DLC1: variants seen among roughly 807,000 people sequenced by gnomAD.
DLC1 encodes the protein DLC1 Rho GTPase activating protein, also known as rho GTPase-activating protein 7.
A neutral mutation model predicts 140.3 loss-of-function variants in DLC1; 54 were observed. The ratio of observed to expected loss-of-function variants is 0.38; its 90% confidence interval spans 0.31 to 0.48. The LOEUF (loss-of-function observed/expected upper bound fraction) is 0.48. Among genes scored for constraint, DLC1 ranks in the 20% least tolerant of loss-of-function variants. The pLI is 0.96. For synonymous variants in DLC1, 986 were observed against 728.1 expected, an observed-to-expected ratio of 1.35 and a Z score of -5.70; for missense variants, 2,536 against 1,907.0, an observed-to-expected ratio of 1.33 and a Z score of -6.14.
At chr8:13,469,230 T>G (rs1015974557) in intron 2 of DLC1, among the ~76,000 whole-genome samples, 1 of 152,246 alleles carries the variant, frequency 6.6e-6, no homozygotes, top group African/African-American at 2.4e-5. Context: ...ATTTTTCTTA[T>G]TATAAAGCTC....
At chr8:13,104,620 C>T (rs980521084) in intron 7 of DLC1, among the ~76,000 whole-genome samples, 1 of 152,162 alleles carries the variant, frequency 6.6e-6, no homozygotes, top group African/African-American at 2.4e-5. Flanking sequence ...ATTTAATTCA[C>T]ACAAATTCCT....
chr8:13,431,869 C>G (rs1381685284), intron 2 of DLC1, among the ~76,000 whole-genome samples: 1 of 151,980 alleles, frequency 6.6e-6, no homozygotes, highest in Admixed American at 6.6e-5. Flanking sequence ...TAAAAAGATT[C>G]AGGACAGATA....
intron 2 of DLC1, among the ~76,000 whole-genome samples, chr8:13,482,820 A>G (rs142724405): frequency 6.6e-6 from 1 of 152,222 alleles, no homozygotes. Flanking sequence ...TAATAAATGC[A>G]TGCTGTACAC....
intron 1 of DLC1, among the ~76,000 whole-genome samples, chr8:13,603,557 C>T (rs1194954297): frequency 6.6e-6 from 1 of 151,890 alleles, no homozygotes; most frequent in Non-Finnish European, 1.5e-5. Flanking sequence ...AAAAAAGGTG[C>T]ATGTTAAATT....
At chr8:13,264,052 T>TTTTATTTA (rs3065458) in intron 5 of DLC1, among the ~76,000 whole-genome samples, 4,658 of 143,044 alleles carry the variant, frequency 0.033, 125 homozygotes, top group East Asian at 0.076. Context: ...ATAAGAAGCT[T>TTTTATTTA]TTTATTTATT....
chr8:13,377,318 A>G (rs912252704), intron 4 of DLC1, among the ~76,000 whole-genome samples: 1 of 152,262 alleles, frequency 6.6e-6, no homozygotes, highest in African/African-American at 2.4e-5. Context: ...TATAAAAACT[A>G]GCCCTTTAAA....
chr8:13,543,361 G>C (rs746861787), intron 1 of DLC1, among the ~76,000 whole-genome samples: 20 of 152,082 alleles, frequency 1.3e-4, no homozygotes, highest in Non-Finnish European at 2.8e-4. Context: ...AGACCTAATA[G>C]CTAGTGCAGT....
chr8:13,360,879 AT>A (rs71207147), intron 4 of DLC1, among the ~76,000 whole-genome samples: 19,574 of 104,032 alleles, frequency 0.19, 1,363 homozygotes, highest in South Asian at 0.27. Context: ...TATACACATT[AT>A]TTTTTTTTTT....
intron 3 of DLC1, among the ~76,000 whole-genome samples, chr8:13,397,002 C>T (rs1321257049): frequency 6.6e-6 from 1 of 151,930 alleles, no homozygotes; most frequent in African/African-American, 2.4e-5. Flanking sequence ...TGCAAGACTC[C>T]ATCTATCAGT....
At chr8:13,560,057 A>G (rs1471496617) in intron 1 of DLC1, among the ~76,000 whole-genome samples, 1 of 152,234 alleles carries the variant, frequency 6.6e-6, no homozygotes, top group East Asian at 1.9e-4. Context: ...ACAAAGTAGC[A>G]AAAGAGATGG....
intron 5 of DLC1, among the ~76,000 whole-genome samples, chr8:13,173,368 CTTTTTTT>C (rs35778236): frequency 2.9e-5 from 3 of 103,510 alleles, no homozygotes; most frequent in African/African-American, 3.8e-5. Context: ...GTTCTGCCCT[CTTTTTTT>C]TTTTTTTTTT....
At chr8:13,456,912 T>C (rs774638080) in intron 2 of DLC1, among the ~76,000 whole-genome samples, 1 of 152,196 alleles carries the variant, frequency 6.6e-6, no homozygotes, top group Non-Finnish European at 1.5e-5. Flanking sequence ...AGAAAATCAA[T>C]TAAATCGGCA....
intron 5 of DLC1, among the ~76,000 whole-genome samples, chr8:13,270,655 C>G (rs1428974998): frequency 6.6e-6 from 1 of 152,190 alleles, no homozygotes; most frequent in Non-Finnish European, 1.5e-5. Flanking sequence ...GCACAAAAGT[C>G]ACCTCCAGTA....
At chr8:13,591,985 G>T (rs181030607) in intron 1 of DLC1, among the ~76,000 whole-genome samples, 1 of 152,020 alleles carries the variant, frequency 6.6e-6, no homozygotes, top group Non-Finnish European at 1.5e-5. Context: ...CAAGTATCTG[G>T]AGTTTGGAGG....
chr8:13,179,402 C>T (rs1349241133), intron 5 of DLC1, among the ~76,000 whole-genome samples: 1 of 152,092 alleles, frequency 6.6e-6, no homozygotes, highest in Admixed American at 6.6e-5. Context: ...TACACTTACA[C>T]ATGCACTGTA....
intron 5 of DLC1, among the ~76,000 whole-genome samples, chr8:13,229,293 G>C (rs1258452903): frequency 6.6e-6 from 1 of 152,122 alleles, no homozygotes; most frequent in Non-Finnish European, 1.5e-5. Context: ...ACAACATTAC[G>C]AACCTTGTAA....
intron 2 of DLC1, among the ~76,000 whole-genome samples, chr8:13,468,017 CT>C (rs1364877523): frequency 6.6e-6 from 1 of 151,992 alleles, no homozygotes; most frequent in Non-Finnish European, 1.5e-5. Flanking sequence ...TCGTTCTTTT[CT>C]TTCTCTAGAA....
chr8:13,145,972 C>G (rs1478708488), intron 5 of DLC1, among the ~76,000 whole-genome samples: 1 of 152,056 alleles, frequency 6.6e-6, no homozygotes, highest in Non-Finnish European at 1.5e-5. Flanking sequence ...ATGTATATAT[C>G]ATAGTCTCTT....
chr8:13,381,417 T>C (rs1563300086), intron 4 of DLC1, among the ~76,000 whole-genome samples: 1 of 152,226 alleles, frequency 6.6e-6, no homozygotes, highest in African/African-American at 2.4e-5. Context: ...GATCTGTGTG[T>C]CCTGGTAGAT....
Sources: gnomAD v4.1 joint callset for allele counts (sites outside exome capture counted in the v4.1 genomes callset) on GRCh38, gnomAD v4.1.1 for gene constraint, MANE v1.5 for transcripts, NCBI Gene and HGNC (gene_info 2026-07-23, HGNC 2026-07-21) for gene names.